ASIC2: variants seen among roughly 807,000 people sequenced by gnomAD.
ASIC2 encodes acid-sensing ion channel 2.
ASIC2 carries 25 observed loss-of-function variants against 57.3 expected under a neutral mutation model. That is an observed-to-expected ratio of 0.44 (90% CI 0.32 to 0.61). The LOEUF (loss-of-function observed/expected upper bound fraction) is 0.61. ASIC2 is among the 20% of genes least tolerant of loss of function. The pLI is 0.06. For missense variants in ASIC2, 641 were observed against 738.1 expected (o/e 0.87, Z 1.52); for synonymous variants, 319 against 307.5 (o/e 1.04, Z -0.39).
intron 1 of ASIC2, among the ~76,000 whole-genome samples, chr17:33,629,813 T>G (rs1338013700): frequency 6.6e-6 from 1 of 152,142 alleles, no homozygotes; most frequent in African/African-American, 2.4e-5. Flanking sequence ...TTCAGTAATA[T>G]CCCAGGGAGA....
intron 1 of ASIC2, among the ~76,000 whole-genome samples, chr17:33,216,978 T>C (rs747348691): frequency 1.3e-5 from 2 of 152,158 alleles, no homozygotes; most frequent in Non-Finnish European, 2.9e-5. Flanking sequence ...AATCAGTAGC[T>C]ACAGGTCTTG....
chr17:33,967,424 G>A (rs1171227092), intron 1 of ASIC2, among the ~76,000 whole-genome samples: 2 of 151,962 alleles, frequency 1.3e-5, no homozygotes, highest in East Asian at 1.9e-4. Context: ...TTTGAAAGAC[G>A]TGGTTTCTCC....
At chr17:33,378,837 A>G (rs1909373272) in intron 1 of ASIC2, among the ~76,000 whole-genome samples, 2 of 152,220 alleles carry the variant, frequency 1.3e-5, no homozygotes, top group African/African-American at 2.4e-5. Flanking sequence ...GGATCTGGAC[A>G]GGAACAGCAA....
intron 1 of ASIC2, among the ~76,000 whole-genome samples, chr17:33,383,111 A>T (rs531425493): frequency 2.6e-5 from 4 of 152,344 alleles, no homozygotes; most frequent in Admixed American, 2.0e-4. Context: ...CCTACCTCAG[A>T]TGTCAGCTTT....
chr17:34,149,692 A>G (rs1220742454), intron 1 of ASIC2, among the ~76,000 whole-genome samples: 1 of 152,218 alleles, frequency 6.6e-6, no homozygotes, highest in Non-Finnish European at 1.5e-5. Context: ...ATGCGATATT[A>G]CCTCACACTT....
chr17:33,105,606 G>C (rs929910803), intron 2 of ASIC2, among the ~76,000 whole-genome samples: 1 of 152,210 alleles, frequency 6.6e-6, no homozygotes, highest in Non-Finnish European at 1.5e-5. Context: ...GCAGCAGTTG[G>C]ACAAGTTTGG....
intron 1 of ASIC2, among the ~76,000 whole-genome samples, chr17:33,856,837 G>T (rs1320079443): frequency 6.6e-6 from 1 of 152,134 alleles, no homozygotes; most frequent in Non-Finnish European, 1.5e-5. Flanking sequence ...ACAGATGGGG[G>T]TGTATGGGAC....
intron 1 of ASIC2, 149 bp downstream of exon 1, chr17:33,291,259 G>T: frequency 7.1e-7 from 1 of 1,408,126 alleles, no homozygotes; most frequent in Non-Finnish European, 9.2e-7. Context: ...GAAGACTCAG[G>T]GGACCCAAGA....
intron 1 of ASIC2, among the ~76,000 whole-genome samples, chr17:34,048,998 T>C (rs1307315229): frequency 1.3e-5 from 2 of 152,128 alleles, no homozygotes; most frequent in Non-Finnish European, 2.9e-5. Flanking sequence ...AGAATGACAT[T>C]TAGGAATATG....
intron 1 of ASIC2, among the ~76,000 whole-genome samples, chr17:33,751,637 A>C (rs1487808477): frequency 1.3e-5 from 2 of 151,996 alleles, no homozygotes; most frequent in African/African-American, 4.8e-5. Flanking sequence ...GCTTTCATCC[A>C]TTCTGTTTTT....
At chr17:33,078,987 C>G (rs1489988021) in intron 3 of ASIC2, among the ~76,000 whole-genome samples, 2 of 152,056 alleles carry the variant, frequency 1.3e-5, no homozygotes, top group African/African-American at 4.8e-5. Context: ...GATATAATCA[C>G]TGGGAAAAGT....
chr17:33,739,359 T>G (rs1910024970), intron 1 of ASIC2, among the ~76,000 whole-genome samples: 1 of 152,226 alleles, frequency 6.6e-6, no homozygotes, highest in African/African-American at 2.4e-5. Context: ...CAAGACAAGC[T>G]GCATTCAGGT....
intron 1 of ASIC2, among the ~76,000 whole-genome samples, chr17:34,044,252 T>C (rs1447172608): frequency 6.6e-6 from 1 of 152,076 alleles, no homozygotes; most frequent in Non-Finnish European, 1.5e-5. Context: ...CTGTCCCTGG[T>C]GAAAAATTGC....
chr17:33,824,793 C>T (rs1263125153), intron 1 of ASIC2, among the ~76,000 whole-genome samples: 1 of 152,070 alleles, frequency 6.6e-6, no homozygotes, highest in Admixed American at 6.5e-5. Flanking sequence ...TGCAAGATGT[C>T]CCTCTGCTCT....
chr17:34,073,927 C>T (rs1909523019), intron 1 of ASIC2, among the ~76,000 whole-genome samples: 1 of 152,188 alleles, frequency 6.6e-6, no homozygotes, highest in Non-Finnish European at 1.5e-5. Flanking sequence ...GAACAGGCCT[C>T]CTTCTGCGTA....
intron 1 of ASIC2, among the ~76,000 whole-genome samples, chr17:33,754,279 G>C (rs1910521969): frequency 6.6e-6 from 1 of 152,082 alleles, no homozygotes; most frequent in Non-Finnish European, 1.5e-5. Flanking sequence ...GGGGTGGAGA[G>C]TCCATCCGAG....
chr17:33,218,772 T>C (rs1489869938), intron 1 of ASIC2, among the ~76,000 whole-genome samples: 1 of 152,050 alleles, frequency 6.6e-6, no homozygotes, highest in Non-Finnish European at 1.5e-5. Context: ...GTAAATCCGA[T>C]CAGGTTGTTG....
intron 3 of ASIC2, among the ~76,000 whole-genome samples, chr17:33,046,130 T>C (rs189513381): frequency 7.2e-5 from 11 of 152,350 alleles, no homozygotes; most frequent in Admixed American, 2.0e-4. Context: ...CCCATCATTC[T>C]ACTCTTCCCC....
At chr17:33,350,408 G>A (rs996141092) in intron 1 of ASIC2, among the ~76,000 whole-genome samples, 3 of 152,076 alleles carry the variant, frequency 2.0e-5, no homozygotes, top group African/African-American at 2.4e-5. Context: ...GGCCAGGCAC[G>A]GTGGCTCACA....
Sources: allele counts gnomAD v4.1 joint callset (sites outside exome capture counted in the v4.1 genomes callset), GRCh38; gene constraint gnomAD v4.1.1; transcripts MANE v1.5; gene names NCBI Gene and HGNC (gene_info 2026-07-23, HGNC 2026-07-21).